Variants in DPP6 observed in about 807,000 individuals in gnomAD.
The protein encoded by DPP6 is A-type potassium channel modulatory protein DPP6.
A neutral mutation model predicts 122.6 loss-of-function variants in DPP6; 69 were observed. The ratio of observed to expected loss-of-function variants is 0.56; its 90% confidence interval spans 0.46 to 0.69. DPP6 has a LOEUF of 0.69. DPP6 is among the 30% of genes least tolerant of loss of function. The probability of loss-of-function intolerance (pLI) is 0.00; values close to 1 mark genes in which losing one functional copy is unlikely to be tolerated. For synonymous variants in DPP6, 418 were observed against 433.1 expected (o/e 0.97, Z 0.43); for missense variants, 928 against 1,116.9 (o/e 0.83, Z 2.41).
chr7:154,195,489 C>A (rs1798819802), intron 1 of DPP6, among the ~76,000 whole-genome samples: 1 of 151,816 alleles, frequency 6.6e-6, no homozygotes, highest in Admixed American at 6.6e-5. Context: ...TGGAAACTGC[C>A]ATTGGCCGGC....
At chr7:154,887,855 G>A (rs2150698684) in intron 23 of DPP6, 121 bp downstream of exon 23, 1 of 1,162,334 alleles carries the variant, frequency 8.6e-7, no homozygotes, top group South Asian at 1.2e-5. Context: ...TCCCTCACCA[G>A]CACCAAAGCC....
intron 1 of DPP6, among the ~76,000 whole-genome samples, chr7:154,425,604 A>T (rs559260116): frequency 1.0e-4 from 13 of 128,282 alleles, no homozygotes; most frequent in African/African-American, 4.3e-4. Flanking sequence ...GGGGAAAAAA[A>T]TGTGTGTGTG....
At position 154,507,375 on chromosome 7, in the gene DPP6, C is replaced by A. The variant is rs144831429; in HGVS notation, c.457+32338C>A. Among the ~76,000 whole-genome samples the A allele has an allele frequency of 2.1e-3, 321 of 152,138 alleles. 4 individuals carry two copies. Among genetic ancestry groups the A allele is most frequent in the Middle Eastern group, 0.02 (6 of 294 alleles). On this transcript the variant is annotated intron_variant, in intron 3 of 25. Coordinates refer to ENST00000377770, the MANE Select transcript of DPP6 (RefSeq NM_130797.4). ...ATAGTGGTTTGCTGCACCCATCAAC[C>A]CGTCATCTATGTTTTAAGCCCTGCA...
At chr7:154,281,689 A>G (rs1804525970) in intron 1 of DPP6, among the ~76,000 whole-genome samples, 1 of 152,230 alleles carries the variant, frequency 6.6e-6, no homozygotes, top group Admixed American at 6.5e-5. Context: ...GTATCTTAGT[A>G]TAAGATCTCT....
intron 8 of DPP6, among the ~76,000 whole-genome samples, chr7:154,743,632 T>C (rs1842912555): frequency 6.6e-6 from 1 of 152,238 alleles, no homozygotes; most frequent in Non-Finnish European, 1.5e-5. Context: ...TTTTTGCTGT[T>C]GCTGAAGTTT....
At chr7:154,058,413 CCG>C in intron 1 of DPP6, 1 of 148,226 alleles carries the variant, frequency 6.7e-6, no homozygotes, top group African/African-American at 2.5e-5. Flanking sequence ...GGAGGCAACC[CCG>C]CGAGGGTGGG....
At chr7:154,740,069 C>T (rs1842747376) in intron 8 of DPP6, among the ~76,000 whole-genome samples, 1 of 152,148 alleles carries the variant, frequency 6.6e-6, no homozygotes. Flanking sequence ...TCTAAAGGTA[C>T]AGGAAGAATT....
At chr7:153,834,748 T>G in the DPP6 span, among the ~76,000 whole-genome samples, 14,581 of 152,238 alleles carry the variant, frequency 0.096, 862 homozygotes, top group African/African-American at 0.17. Context: ...AATAATTATT[T>G]AATAAATAAA....
At chr7:154,477,915 G>A (rs1021449838) in intron 3 of DPP6, among the ~76,000 whole-genome samples, 14 of 152,150 alleles carry the variant, frequency 9.2e-5, no homozygotes, top group African/African-American at 3.4e-4. Flanking sequence ...AAGTAACCAA[G>A]TGGTTGGGTC....
intron 1 of DPP6, among the ~76,000 whole-genome samples, chr7:154,436,500 T>C (rs1429609075): frequency 6.6e-6 from 1 of 151,970 alleles, no homozygotes; most frequent in East Asian, 1.9e-4. Flanking sequence ...GCCTGAGGTC[T>C]CTCCCACCGC....
chr7:154,742,273 G>A (rs1014439570), intron 8 of DPP6, among the ~76,000 whole-genome samples: 2 of 152,156 alleles, frequency 1.3e-5, no homozygotes, highest in African/African-American at 4.8e-5. Flanking sequence ...CCTCTACCAG[G>A]TCCTCCAAGG....
intron 1 of DPP6, among the ~76,000 whole-genome samples, chr7:153,906,957 A>G (rs1434904431): frequency 1.3e-5 from 2 of 152,246 alleles, no homozygotes; most frequent in Admixed American, 6.5e-5. Context: ...TAGTGCTGCA[A>G]TAAACATGTA....
chr7:154,221,656 C>T lies in DPP6; in HGVS notation c.243+168593C>T, dbSNP rs562905063. ...AATAAATCACAGGAAGGTGGCTTAA[C>T]TATTGAAAATTTTATTAAAATGGTT... On this transcript the variant is annotated intron_variant, in intron 1 of 25. Transcript: ENST00000377770. 3.3e-5 allele frequency among the ~76,000 whole-genome samples: 5 copies of T among 152,276 alleles called. No individual in the cohort carries two copies. The South Asian group carries it at 1.0e-3, about 32-fold the overall frequency.
chr7:154,151,699 C>A (rs2150687094), intron 1 of DPP6, among the ~76,000 whole-genome samples: 1 of 152,094 alleles, frequency 6.6e-6, no homozygotes, highest in Middle Eastern at 3.4e-3. Flanking sequence ...CATTCGACTG[C>A]AGCTGGTCTC....
chr7:153,892,846 G>A (rs1466373311), intron 1 of DPP6, among the ~76,000 whole-genome samples: 1 of 152,146 alleles, frequency 6.6e-6, no homozygotes, highest in Non-Finnish European at 1.5e-5. Context: ...TGTCCCAGTG[G>A]TGTGATACTT....
intron 16 of DPP6, among the ~76,000 whole-genome samples, chr7:154,842,382 A>T (rs1236526490): frequency 3.3e-5 from 5 of 152,134 alleles, no homozygotes; most frequent in African/African-American, 4.8e-5. Context: ...ATTTATTCTG[A>T]TGACTTTTTT....
chr7:154,013,456 TTC>T (rs1252460417), intron 1 of DPP6, among the ~76,000 whole-genome samples: 16 of 136,984 alleles, frequency 1.2e-4, no homozygotes, highest in African/African-American at 4.7e-4. Flanking sequence ...CAGGTTTCTT[TTC>T]TTTTTTTTTT....
intron 7 of DPP6, among the ~76,000 whole-genome samples, chr7:154,715,530 A>T (rs1841435107): frequency 6.6e-6 from 1 of 152,188 alleles, no homozygotes; most frequent in Non-Finnish European, 1.5e-5. Flanking sequence ...TGGGATTGTG[A>T]TAGGCTATTT....
chr7:153,763,856 T>G, the DPP6 span, among the ~76,000 whole-genome samples: 2 of 152,202 alleles, frequency 1.3e-5, no homozygotes, highest in Non-Finnish European at 2.9e-5. Context: ...GGCATCTATT[T>G]TCTTGCAATC....
Sources: allele counts gnomAD v4.1 joint callset (sites outside exome capture counted in the v4.1 genomes callset), GRCh38; gene constraint gnomAD v4.1.1; transcripts MANE v1.5; gene names NCBI Gene and HGNC (gene_info 2026-07-23, HGNC 2026-07-21).